Variants in LDLRAD4 observed in about 807,000 individuals in gnomAD.
LDLRAD4 encodes the protein low-density lipoprotein receptor class A domain-containing protein 4.
A neutral mutation model predicts 17.0 loss-of-function variants in LDLRAD4; 5 were observed. The ratio of observed to expected loss-of-function variants is 0.29; its 90% CI spans 0.15 to 0.62. The LOEUF (loss-of-function observed/expected upper bound fraction) is 0.62. LDLRAD4 is among the 20% of genes least tolerant of loss of function. The pLI, the probability that LDLRAD4 is intolerant of heterozygous loss-of-function variation, is 0.84. For synonymous variants in LDLRAD4, 168 were observed against 171.8 expected (o/e 0.98, Z 0.17); for missense variants, 340 against 424.7 (o/e 0.80, Z 1.75).
At chr18:13,619,377 G>C (rs2040379789) in intron 3 of LDLRAD4, among the ~76,000 whole-genome samples, 1 of 152,018 alleles carries the variant, frequency 6.6e-6, no homozygotes, top group South Asian at 2.1e-4. Context: ...TTTTCTATTG[G>C]AACCCAATTG....
chr18:13,420,854 T>C (rs573725158), intron 2 of LDLRAD4: 2 of 152,306 alleles, frequency 1.3e-5, no homozygotes, highest in East Asian at 3.9e-4. Context: ...TTAGTCCCAT[T>C]CACTGGTGCT....
intron 3 of LDLRAD4, among the ~76,000 whole-genome samples, chr18:13,584,061 C>T (rs2094902963): frequency 6.6e-6 from 1 of 152,172 alleles, no homozygotes; most frequent in Non-Finnish European, 1.5e-5. Context: ...TGAGCCCGGC[C>T]CACCCGAAGC....
At chr18:13,578,762 A>G (rs1472640187) in intron 3 of LDLRAD4, among the ~76,000 whole-genome samples, 1 of 151,078 alleles carries the variant, frequency 6.6e-6, no homozygotes, top group Non-Finnish European at 1.5e-5. Flanking sequence ...GAAACTCAGG[A>G]TACATACAAG....
intron 1 of LDLRAD4, among the ~76,000 whole-genome samples, chr18:13,301,183 T>C (rs1018284058): frequency 2.0e-5 from 3 of 152,174 alleles, no homozygotes; most frequent in Non-Finnish European, 4.4e-5. Context: ...AGTGTACCTT[T>C]AGCGTGCTGG....
chr18:13,372,896 G>A (rs549473947), intron 1 of LDLRAD4, among the ~76,000 whole-genome samples: 1 of 152,344 alleles, frequency 6.6e-6, no homozygotes, highest in South Asian at 2.1e-4. Flanking sequence ...CATGGCCTGT[G>A]CAGAACCGTT....
chr18:13,647,620 G>GAT (rs1568457491), exon 6 of LDLRAD4: 1 of 152,310 alleles, frequency 6.6e-6, no homozygotes, highest in African/African-American at 2.4e-5. Context: ...TACCTCTGTA[G>GAT]ATAGGTCACT....
chr18:13,307,761 A>G (rs1381052848), intron 1 of LDLRAD4, among the ~76,000 whole-genome samples: 3 of 152,208 alleles, frequency 2.0e-5, no homozygotes, highest in African/African-American at 7.2e-5. Flanking sequence ...AGTATACTGT[A>G]TTATAAGAAT....
At chr18:13,303,477 C>T (rs567262380) in intron 1 of LDLRAD4, among the ~76,000 whole-genome samples, 10 of 152,132 alleles carry the variant, frequency 6.6e-5, no homozygotes, top group Admixed American at 1.3e-4. Flanking sequence ...TCCCTGCCCT[C>T]CTTCTCTCCT....
At chr18:13,503,195 C>T (rs1320052632) in intron 3 of LDLRAD4, among the ~76,000 whole-genome samples, 2 of 152,230 alleles carry the variant, frequency 1.3e-5, no homozygotes, top group African/African-American at 4.8e-5. Flanking sequence ...TTTAAGCTTT[C>T]CTCCAGGGTT....
At chr18:13,282,996 G>A (rs1371574583) in intron 1 of LDLRAD4, among the ~76,000 whole-genome samples, 1 of 152,242 alleles carries the variant, frequency 6.6e-6, no homozygotes, top group East Asian at 1.9e-4. Context: ...TCCACCCTCT[G>A]AAGTCACAGC....
intron 1 of LDLRAD4, among the ~76,000 whole-genome samples, chr18:13,226,089 C>T (rs1197336221): frequency 6.7e-6 from 1 of 149,186 alleles, no homozygotes; most frequent in Non-Finnish European, 1.5e-5. Context: ...GGTGTGATCT[C>T]GGCTCATTGC....
At chr18:13,606,158 C>T (rs912526435) in intron 3 of LDLRAD4, among the ~76,000 whole-genome samples, 31 of 152,164 alleles carry the variant, frequency 2.0e-4, no homozygotes, top group African/African-American at 6.5e-4. Flanking sequence ...TGGAACCCAA[C>T]GTTGGTTCTA....
intron 1 of LDLRAD4, among the ~76,000 whole-genome samples, chr18:13,245,149 A>G (rs950694056): frequency 2.6e-5 from 4 of 152,182 alleles, no homozygotes; most frequent in Non-Finnish European, 4.4e-5. Context: ...CTCAGGGGCA[A>G]CCATTCCATG....
At chr18:13,275,039 CAA>C (rs11396175), upstream of LDLRAD4, among the ~76,000 whole-genome samples, 15 of 129,352 alleles carry the variant, frequency 1.2e-4, no homozygotes, top group Admixed American at 2.4e-4. Flanking sequence ...GACCCTGTTT[CAA>C]AAAAAAAAAA....
chr18:13,277,985 A>G (rs1452414639), upstream of LDLRAD4: 1 of 152,000 alleles, frequency 6.6e-6, no homozygotes, highest in Admixed American at 6.6e-5. Flanking sequence ...TATTGTATTC[A>G]TTTTGATATT....
chr18:13,479,079 A>C (rs993675134), intron 3 of LDLRAD4, among the ~76,000 whole-genome samples: 1 of 152,240 alleles, frequency 6.6e-6, no homozygotes, highest in Non-Finnish European at 1.5e-5. Flanking sequence ...TGCACACACA[A>C]AAAATTGAAT....
intron 1 of LDLRAD4, among the ~76,000 whole-genome samples, chr18:13,343,624 T>C (rs1416275159): frequency 1.3e-5 from 2 of 152,160 alleles, no homozygotes; most frequent in East Asian, 1.9e-4. Context: ...GGTCAAATGG[T>C]ATTTCTAGTT....
chr18:13,645,518 A>G lies in LDLRAD4; in HGVS notation c.782A>G (p.His261Arg), dbSNP rs1210690285. ...CCCACATACAGCGAGGTGATGGGCC[A>G]CCACCCAGGCGCCTCTTTCCTCCAT... is the stretch of plus-strand genomic sequence containing the variant. The change falls in exon 6 of 6, where the codon CAC (histidine) becomes CGC (arginine). Residue 261 changes from histidine to arginine, a missense_variant. By Grantham distance (29) the His-to-Arg change is conservative. Coordinates refer to ENST00000359446, the Ensembl canonical transcript of LDLRAD4. The surrounding 1 kb of genome is among the most constrained non-coding windows in gnomAD (Gnocchi z 5.7). 2 of 1,610,852 alleles carry G rather than the reference A, an allele frequency of 1.2e-6. No homozygotes were observed. Among genetic ancestry groups the G allele is most frequent in the Non-Finnish European group, 8.5e-7 (1 of 1,178,666 alleles).
chr18:13,305,142 A>AG (rs2046835780), intron 1 of LDLRAD4, among the ~76,000 whole-genome samples: 1 of 152,220 alleles, frequency 6.6e-6, no homozygotes, highest in African/African-American at 2.4e-5. Context: ...GAATGCATAA[A>AG]ATATATGTAG....
Sources: gnomAD v4.1 joint callset for allele counts (sites outside exome capture counted in the v4.1 genomes callset) on GRCh38, gnomAD v4.1.1 for gene constraint, Gnocchi (gnomAD v3.1) non-coding constraint, MANE v1.5 for transcripts, NCBI Gene and HGNC (gene_info 2026-07-23, HGNC 2026-07-21) for gene names.